Variants in FER observed in about 807,000 individuals in gnomAD.
The protein encoded by FER is tyrosine-protein kinase Fer.
FER carries 63 observed loss-of-function variants against 111.0 expected under a neutral mutation model. The ratio of observed to expected loss-of-function variants is 0.57; its 90% CI spans 0.46 to 0.70. The LOEUF (loss-of-function observed/expected upper bound fraction) is 0.70, where lower values mean the gene tolerates loss of function less well. Among genes scored for constraint, FER ranks in the 30% least tolerant of loss-of-function variants. The pLI is 0.00. For missense variants in FER, 914 were observed against 954.0 expected (o/e 0.96, Z 0.55); for synonymous variants, 327 against 313.9 (o/e 1.04, Z -0.44).
At chr5:108,858,255 C>T (rs6895422) in intron 5 of FER, among the ~76,000 whole-genome samples, 4 of 152,162 alleles carry the variant, frequency 2.6e-5, no homozygotes, top group African/African-American at 9.7e-5. Context: ...AGAAACCTAG[C>T]TTCTGTTGTT....
At chr5:108,809,595 C>A (rs1757540312) in intron 3 of FER, among the ~76,000 whole-genome samples, 1 of 152,076 alleles carries the variant, frequency 6.6e-6, no homozygotes. Flanking sequence ...CAGGTTCTTG[C>A]TCTGTTGCCC....
At position 109,179,025 on chromosome 5, in the gene FER, T is replaced by C. The variant is rs376734873; in HGVS notation, c.2049-1722T>C. Among the ~76,000 whole-genome samples the C allele has an allele frequency of 6.6e-4, 101 of 152,350 alleles. 3 individuals carry two copies. In the South Asian group the frequency reaches 0.021, roughly 32 times the overall value. Reference sequence around the variant, plus strand: ...GATATTTGCCTTATTGGAACTACTGTAAATGGAATTTATTTTCCAGTTGTT... The same window carrying C: ...GATATTTGCCTTATTGGAACTACTGCAAATGGAATTTATTTTCCAGTTGTT... On this transcript the variant is annotated intron_variant, in intron 17 of 19. Transcript: ENST00000281092.
intron 2 of FER, among the ~76,000 whole-genome samples, chr5:108,794,524 G>GCCCCCCCC (rs1415651696): frequency 5.8e-4 from 31 of 53,686 alleles, no homozygotes; most frequent in African/African-American, 7.9e-4. Context: ...TGCCCCCTCC[G>GCCCCCCCC]CACCCCCCCC....
Position 109,137,729 on chromosome 5 carries a change from T to G in FER, c.2048+37210T>G, listed in dbSNP as rs534668842. On this transcript the variant is annotated intron_variant, in intron 17 of 19. Coordinates refer to ENST00000281092, the MANE Select transcript of FER (RefSeq NM_005246.4). ...GAGACTGAATCTGGCAAAAGGCCCA[T>G]AAATGATGGATACCTTTTTGTAGTA... 3.3e-5 allele frequency among the ~76,000 whole-genome samples: 5 copies of G among 152,290 alleles called. No homozygotes were observed. In the East Asian group the frequency reaches 9.6e-4, roughly 29 times the overall value.
chr5:108,938,018 TCTCTCTCTCACACACACACACACA>T (rs796458133), intron 10 of FER, among the ~76,000 whole-genome samples: 17,584 of 115,206 alleles, frequency 0.15, 1,094 homozygotes, highest in Middle Eastern at 0.2. Flanking sequence ...TTTTTCCCTA[TCTCTCTCTCACACACACACACACA>T]CACACACACA....
chr5:108,966,895 A>G (rs1440782677), intron 13 of FER, among the ~76,000 whole-genome samples: 1 of 152,164 alleles, frequency 6.6e-6, no homozygotes, highest in Non-Finnish European at 1.5e-5. Context: ...CATAGAACAA[A>G]CAAAGCCATA....
chr5:108,788,236 C>G (rs1754964242), intron 2 of FER, among the ~76,000 whole-genome samples: 1 of 152,208 alleles, frequency 6.6e-6, no homozygotes, highest in African/African-American at 2.4e-5. Flanking sequence ...TTGCACAGAG[C>G]CAGCGCCTGT....
chr5:109,148,778 T>TATAC (rs1754507483), intron 17 of FER, among the ~76,000 whole-genome samples: 1 of 152,120 alleles, frequency 6.6e-6, no homozygotes, highest in South Asian at 2.1e-4. Flanking sequence ...TGGGTATGTG[T>TATAC]GTATGTATTC....
intron 5 of FER, among the ~76,000 whole-genome samples, chr5:108,866,390 A>C (rs543589414): frequency 5.7e-4 from 87 of 152,320 alleles, no homozygotes; most frequent in African/African-American, 1.9e-3. Context: ...AACAGTGAGA[A>C]CACATGGACA....
At chr5:109,001,734 C>T (rs1483404272) in intron 13 of FER, among the ~76,000 whole-genome samples, 2 of 152,038 alleles carry the variant, frequency 1.3e-5, no homozygotes, top group Admixed American at 6.6e-5. Flanking sequence ...TCTAGAAAAC[C>T]CCATCGTCTT....
At chr5:108,775,565 T>C (rs1753397280) in intron 2 of FER, among the ~76,000 whole-genome samples, 1 of 152,212 alleles carries the variant, frequency 6.6e-6, no homozygotes, top group South Asian at 2.1e-4. Flanking sequence ...GCAAACATGT[T>C]ATTCATTTGT....
chr5:109,189,790 A>AACAAG lies in FER; in HGVS notation c.*2218_*2222dup, dbSNP rs1490458508. On this transcript the variant is annotated 3_prime_UTR_variant, in exon 20 of 20. Transcript: ENST00000281092. ...TGATGGTTTTGGCTTTAGTTTTATG[A>AACAAG]ACAAGACCTAAAGCTTAATCCTGAC... 3.9e-5 allele frequency: 6 copies of AACAAG among 152,222 alleles called. No individual in the cohort carries two copies. Among genetic ancestry groups the AACAAG allele is most frequent in the Non-Finnish European group, 5.9e-5 (4 of 68,050 alleles). The allele number at this position is 152,222 out of a possible 1,614,324, so 9.4% of individuals were successfully genotyped here. A position where few individuals can be genotyped will look rare whatever the true frequency, so the allele number is the denominator to read the frequency against.
intron 17 of FER, 136 bp downstream of exon 17, chr5:109,100,655 T>A: frequency 2.3e-6 from 2 of 864,692 alleles, no homozygotes; most frequent in Non-Finnish European, 3.5e-6. Flanking sequence ...TGTGAAAGTG[T>A]CCTCTGCTAG....
intron 17 of FER, among the ~76,000 whole-genome samples, chr5:109,130,060 G>GGT (rs1554143862): frequency 6.0e-4 from 90 of 150,460 alleles, no homozygotes; most frequent in African/African-American, 1.9e-3. Context: ...TTGTGCGTAG[G>GGT]TTTTTTTTTA....
chr5:108,811,569 A>G (rs912465634), intron 3 of FER, among the ~76,000 whole-genome samples: 2 of 152,166 alleles, frequency 1.3e-5, no homozygotes, highest in African/African-American at 2.4e-5. Flanking sequence ...GATGGTTGAT[A>G]GTGGTGTTTA....
chr5:108,846,244 G>T (rs1290716335), intron 5 of FER, among the ~76,000 whole-genome samples: 1 of 151,972 alleles, frequency 6.6e-6, no homozygotes, highest in African/African-American at 2.4e-5. Context: ...TTTTGGTTAA[G>T]CTTTTAAAGT....
intron 16 of FER, among the ~76,000 whole-genome samples, chr5:109,087,066 A>G (rs1246896347): frequency 6.6e-6 from 1 of 150,392 alleles, no homozygotes; most frequent in Non-Finnish European, 1.5e-5. Flanking sequence ...TCCAATTATA[A>G]TTACATTCTG....
intron 10 of FER, among the ~76,000 whole-genome samples, chr5:108,935,039 T>A (rs897840732): frequency 3.3e-5 from 5 of 152,078 alleles, no homozygotes; most frequent in Admixed American, 3.3e-4. Flanking sequence ...CATATAGGGG[T>A]GATTTTTCTT....
At chr5:108,972,138 C>A (rs1223617845) in intron 13 of FER, among the ~76,000 whole-genome samples, 4 of 151,802 alleles carry the variant, frequency 2.6e-5, no homozygotes, top group Admixed American at 1.3e-4. Context: ...CCCAAAAGAA[C>A]AGAGGAACTC....
Sources: gnomAD v4.1 joint callset for allele counts (sites outside exome capture counted in the v4.1 genomes callset) on GRCh38, gnomAD v4.1.1 for gene constraint, MANE v1.5 for transcripts, NCBI Gene and HGNC (gene_info 2026-07-23, HGNC 2026-07-21) for gene names.